CC2D2A: variants seen among roughly 807,000 people sequenced by gnomAD.
CC2D2A encodes coiled-coil and C2 domain containing 2A, also known as coiled-coil and C2 domain-containing protein 2A.
In CC2D2A, 155 loss-of-function variants were observed where a neutral mutation model predicts 212.9. The ratio of observed to expected loss-of-function variants is 0.73; its 90% confidence interval spans 0.64 to 0.83. The LOEUF (loss-of-function observed/expected upper bound fraction) is 0.83. Among genes scored for constraint, CC2D2A ranks in the 40% least tolerant of loss-of-function variants. The pLI is 0.00. For synonymous variants in CC2D2A, 667 were observed against 686.5 expected (o/e 0.97, Z 0.44); for missense variants, 1,856 against 1,956.2 (o/e 0.95, Z 0.97).
chr4:15,484,128 G>A (rs1340359614), intron 4 of CC2D2A, among the ~76,000 whole-genome samples: 1 of 152,220 alleles, frequency 6.6e-6, no homozygotes, highest in Non-Finnish European at 1.5e-5. Flanking sequence ...CAGCAGGTGT[G>A]AGAAGTCCTG....
At chr4:15,569,202 T>C (rs1720040519) in intron 26 of CC2D2A, 91 bp from the exon 27 acceptor site, 1 of 698,352 alleles carries the variant, frequency 1.4e-6, no homozygotes, top group Non-Finnish European at 2.6e-6. Context: ...TCTATGCTCA[T>C]ATTTGGGTAT....
chr4:15,487,583 T>G (rs1195716619), intron 4 of CC2D2A, among the ~76,000 whole-genome samples: 1 of 152,086 alleles, frequency 6.6e-6, no homozygotes, highest in Non-Finnish European at 1.5e-5. Flanking sequence ...GCTCTTTTTT[T>G]CAATCTTTTT....
intron 4 of CC2D2A, among the ~76,000 whole-genome samples, chr4:15,494,555 G>A (rs1399006100): frequency 6.6e-6 from 1 of 152,172 alleles, no homozygotes; most frequent in South Asian, 2.1e-4. Context: ...AGTGACACTA[G>A]TCTATTTCAT....
chr4:15,542,544 C>A (rs1345552257), intron 17 of CC2D2A, among the ~76,000 whole-genome samples: 1 of 152,190 alleles, frequency 6.6e-6, no homozygotes, highest in South Asian at 2.1e-4. Flanking sequence ...CAATACAGTA[C>A]TTCAGGTAGC....
At chr4:15,481,754 G>T (rs1414219584) in intron 4 of CC2D2A, 1 of 977,974 alleles carries the variant, frequency 1.0e-6, no homozygotes, top group Non-Finnish European at 1.2e-6. Flanking sequence ...ATGCAAAATG[G>T]ACTAACAATA....
intron 13 of CC2D2A, among the ~76,000 whole-genome samples, chr4:15,530,449 T>A (rs1014068141): frequency 1.3e-5 from 2 of 152,190 alleles, no homozygotes; most frequent in Admixed American, 6.5e-5. Context: ...CTTGTGAGAA[T>A]AATTTTTGTT....
intron 4 of CC2D2A, among the ~76,000 whole-genome samples, chr4:15,484,671 G>A (rs553756306): frequency 1.3e-5 from 2 of 152,280 alleles, no homozygotes; most frequent in South Asian, 2.1e-4. Context: ...AAAGCAGGAA[G>A]GTTGCCTCCA....
chr4:15,519,570 C>G (rs1196110590), intron 11 of CC2D2A: 1 of 442,150 alleles, frequency 2.3e-6, no homozygotes, highest in Non-Finnish European at 4.5e-6. Flanking sequence ...TAAAGACATA[C>G]CCAAGCCTGG....
In CC2D2A at chr4:15,597,485, T is replaced by G. The variant is rs1161617684; in HGVS notation, c.4496+20T>G. ...AGACAGGTAACATAACATCCATAAA[T>G]CCACATGTAATCTGTCACTAGGAGT... On this transcript the variant is annotated intron_variant, in intron 35 of 36. Transcript: ENST00000424120. 2 of 1,542,662 alleles carry G rather than the reference T, an allele frequency of 1.3e-6. No individual in the cohort carries two copies. Among genetic ancestry groups the G allele is most frequent in the Admixed American group, 3.9e-5 (2 of 51,032 alleles).
intron 18 of CC2D2A, among the ~76,000 whole-genome samples, chr4:15,552,082 T>C (rs1404750374): frequency 6.6e-6 from 1 of 152,226 alleles, no homozygotes; most frequent in African/African-American, 2.4e-5. Flanking sequence ...GAAGGAAAGA[T>C]CTAGAGTTAC....
At chr4:15,572,397 C>A (rs992136209) in intron 28 of CC2D2A, among the ~76,000 whole-genome samples, 8 of 152,018 alleles carry the variant, frequency 5.3e-5, no homozygotes, top group African/African-American at 1.9e-4. Context: ...TTTTTTGTTT[C>A]TATGTTTCAG....
At chr4:15,481,954 A>C in intron 4 of CC2D2A, 1 of 985,390 alleles carries the variant, frequency 1.0e-6, no homozygotes, top group Non-Finnish European at 1.2e-6. Flanking sequence ...CCCCCTACAC[A>C]CGCCTTTTCT....
intron 29 of CC2D2A, among the ~76,000 whole-genome samples, chr4:15,577,324 C>T (rs1020392441): frequency 1.3e-5 from 2 of 152,084 alleles, no homozygotes; most frequent in Admixed American, 1.3e-4. Flanking sequence ...CAACATACAC[C>T]CATTCAGTTT....
At chr4:15,554,167 T>C (rs1235793406) in intron 19 of CC2D2A, among the ~76,000 whole-genome samples, 1 of 152,230 alleles carries the variant, frequency 6.6e-6, no homozygotes, top group South Asian at 2.1e-4. Flanking sequence ...TGCCTTTGAA[T>C]GTAAGAAGTC....
In CC2D2A at chr4:15,480,734, T is replaced by C; in HGVS notation, c.154T>C (p.Ser52Pro). 1 of 1,611,900 alleles carries C rather than the reference T, an allele frequency of 6.2e-7. No homozygotes were observed. The highest frequency in any genetic ancestry group is 8.5e-7 in the Non-Finnish European group (1 of 1,179,112). Residue 52 changes from serine to proline, a missense_variant, in exon 4 of 37, where the codon TCC (serine) becomes CCC (proline). This residue lies in a region of CC2D2A where 1,512 missense variants were observed against 1,579.3 expected (regional missense o/e 0.96). Transcript: ENST00000424120. ...AACTGCTGTCCCCAAGGAAATGGTG[T>C]CCGAAAAATCCCACCTTGGCAACCC... Reference protein sequence around the residue: ...PPTAVPKEMVSEKSHLGNPQE... With the variant: ...PPTAVPKEMVPEKSHLGNPQE...
chr4:15,482,302 A>C (rs1358476331), intron 4 of CC2D2A: 1 of 982,408 alleles, frequency 1.0e-6, no homozygotes, highest in Admixed American at 6.1e-5. Context: ...GCTCAAAATT[A>C]TTTATTACTA....
intron 33 of CC2D2A, among the ~76,000 whole-genome samples, chr4:15,590,240 C>T (rs111766174): frequency 6.6e-6 from 1 of 152,156 alleles, no homozygotes; most frequent in East Asian, 1.9e-4. Flanking sequence ...TAGAGCTGGG[C>T]GCTGTGGCTC....
chr4:15,553,551 C>T (rs900850169), intron 19 of CC2D2A, among the ~76,000 whole-genome samples: 2 of 152,160 alleles, frequency 1.3e-5, no homozygotes, highest in Non-Finnish European at 2.9e-5. Context: ...GTGAAAAGAA[C>T]TTAATCTTCA....
intron 14 of CC2D2A, chr4:15,533,537 T>G (rs886389420): frequency 5.0e-6 from 2 of 396,542 alleles, no homozygotes; most frequent in Admixed American, 4.7e-5. Flanking sequence ...ACCTAGACTT[T>G]TGTGATCATT....
Sources: gnomAD v4.1 joint callset for allele counts (sites outside exome capture counted in the v4.1 genomes callset) on GRCh38, gnomAD v4.1.1 for gene constraint, gnomAD v4.1.1 regional missense constraint, MANE v1.5 for transcripts, NCBI Gene and HGNC (gene_info 2026-07-23, HGNC 2026-07-21) for gene names.